The following OSBPL1A variants were observed in gnomAD, a reference collection of about 807,000 sequenced individuals.
The protein encoded by OSBPL1A is oxysterol binding protein like 1A.
Under a neutral mutation model 137.1 loss-of-function variants are expected in OSBPL1A, and 80 were observed. The observed-to-expected ratio is 0.58, with a 90% CI of 0.49 to 0.70. The LOEUF is 0.70. OSBPL1A is among the 30% of genes least tolerant of loss of function. The pLI, the probability that OSBPL1A is intolerant of heterozygous loss-of-function variation, is 0.00. For missense variants in OSBPL1A, 970 were observed against 1,129.4 expected (o/e 0.86, Z 2.02); for synonymous variants, 365 against 389.7 (o/e 0.94, Z 0.75).
intron 26 of OSBPL1A, 57 bp from the exon 27 acceptor site, chr18:24,165,212 C>G: frequency 6.9e-7 from 1 of 1,444,014 alleles, no homozygotes; most frequent in Non-Finnish European, 9.7e-7. Flanking sequence ...ATGCCAGGCA[C>G]AGTATTAAGC....
In OSBPL1A at chr18:24,162,410, T is replaced by G. The variant is rs578181736; in HGVS notation, c.*769A>C. The G allele has an allele frequency of 6.6e-6, 1 of 152,374 alleles. No individual in the cohort carries two copies. Among genetic ancestry groups the G allele is most frequent in the African/African-American group, 2.4e-5 (1 of 41,590 alleles). The allele number at this position is 152,374 out of a possible 1,614,324, so 9.4% of individuals were successfully genotyped here. A position where few individuals can be genotyped will look rare whatever the true frequency, so the allele number is the denominator to read the frequency against. ...GCATTTAACAAGGTTTGTCATTATG[T>G]AATGGTGATTAAAATCTATATTTCT... On this transcript the variant is annotated 3_prime_UTR_variant, in exon 28 of 28. Coordinates refer to ENST00000319481, the MANE Select transcript of OSBPL1A (RefSeq NM_080597.4).
chr18:24,307,941 C>G (rs2090537114), intron 13 of OSBPL1A, among the ~76,000 whole-genome samples: 1 of 145,298 alleles, frequency 6.9e-6, no homozygotes, highest in Non-Finnish European at 1.5e-5. Flanking sequence ...AGACGTGCAC[C>G]ACCATGCCTT....
intron 18 of OSBPL1A, among the ~76,000 whole-genome samples, chr18:24,189,524 A>T (rs1021606090): frequency 6.6e-6 from 1 of 152,088 alleles, no homozygotes. Context: ...CAAGATGAAG[A>T]TGGCACTGGA....
chr18:24,374,400 A>C (rs1009928113), intron 2 of OSBPL1A, among the ~76,000 whole-genome samples: 10 of 152,164 alleles, frequency 6.6e-5, no homozygotes, highest in Non-Finnish European at 1.5e-4. Context: ...TGGAAGAAAA[A>C]AAGACAAAAG....
chr18:24,179,705 C>T (rs377023153), intron 20 of OSBPL1A, 33 bp downstream of exon 20: 70 of 1,542,134 alleles, frequency 4.5e-5, no homozygotes, highest in East Asian at 6.7e-5. Flanking sequence ...TCATCTGCAA[C>T]GCTGTATAAA....
chr18:24,362,676 C>T (rs1422036020), intron 4 of OSBPL1A, among the ~76,000 whole-genome samples: 1 of 152,148 alleles, frequency 6.6e-6, no homozygotes, highest in Non-Finnish European at 1.5e-5. Context: ...ACAAGAAATA[C>T]ACTCTATGTC....
intron 1 of OSBPL1A, among the ~76,000 whole-genome samples, chr18:24,392,205 T>C (rs915251948): frequency 6.6e-6 from 1 of 151,444 alleles, no homozygotes; most frequent in Non-Finnish European, 1.5e-5. Context: ...TTGTTTCCCA[T>C]GCTGGAGTGC....
At chr18:24,320,263 G>A (rs2090823055) in intron 7 of OSBPL1A, among the ~76,000 whole-genome samples, 1 of 152,100 alleles carries the variant, frequency 6.6e-6, no homozygotes, top group Non-Finnish European at 1.5e-5. Flanking sequence ...AAAAATACTG[G>A]GGGGATGGGA....
chr18:24,193,975 T>C (rs945256925), intron 18 of OSBPL1A, among the ~76,000 whole-genome samples: 1 of 152,212 alleles, frequency 6.6e-6, no homozygotes, highest in African/African-American at 2.4e-5. Context: ...CAATCCAACA[T>C]AACATCATCT....
At chr18:24,167,153 A>G (rs532455884) in intron 25 of OSBPL1A, among the ~76,000 whole-genome samples, 176 bp downstream of exon 25, 1 of 152,194 alleles carries the variant, frequency 6.6e-6, no homozygotes, top group African/African-American at 2.4e-5. Context: ...GGACAGCATG[A>G]TGCACTTACG....
chr18:24,347,855 A>AAAAAAAAC (rs2091372345), intron 4 of OSBPL1A: 1 of 151,726 alleles, frequency 6.6e-6, no homozygotes, highest in Non-Finnish European at 1.5e-5. Context: ...AAAAAAAAAA[A>AAAAAAAAC]AAAAAAAAGA....
intron 14 of OSBPL1A, among the ~76,000 whole-genome samples, chr18:24,292,793 G>A (rs1401189749): frequency 3.9e-5 from 6 of 152,092 alleles, no homozygotes; most frequent in Admixed American, 3.9e-4. Context: ...GTCTCAGCAG[G>A]GAAGAGCTGG....
intron 13 of OSBPL1A, among the ~76,000 whole-genome samples, chr18:24,304,695 A>G (rs930876121): frequency 6.6e-6 from 1 of 152,144 alleles, no homozygotes; most frequent in African/African-American, 2.4e-5. Flanking sequence ...CAAACTTACT[A>G]TAGATCAGTA....
chr18:24,307,099 AAAAAAAC>A (rs2090518772), intron 13 of OSBPL1A, among the ~76,000 whole-genome samples: 1 of 150,902 alleles, frequency 6.6e-6, no homozygotes, highest in Non-Finnish European at 1.5e-5. Flanking sequence ...CTACAAAAAA[AAAAAAAC>A]AAAAACAAAA....
At chr18:24,392,280 C>T (rs1907411678) in intron 1 of OSBPL1A, among the ~76,000 whole-genome samples, 2 of 152,188 alleles carry the variant, frequency 1.3e-5, no homozygotes, top group Non-Finnish European at 2.9e-5. Flanking sequence ...CCTGCCTCAG[C>T]CTCCCGAGTA....
intron 16 of OSBPL1A, among the ~76,000 whole-genome samples, chr18:24,229,379 T>C (rs2088195737): frequency 6.6e-6 from 1 of 152,182 alleles, no homozygotes; most frequent in Admixed American, 6.5e-5. Context: ...GCCTGTGAAA[T>C]AAAAACTAGT....
rs956273582 is a variant in OSBPL1A at position 24,181,074 on chromosome 18, G to A, written c.1812+71C>T. ...TGAATTTAACACTAATTGTGTGAAC[G>A]TGTGTGTGTTCGGGGCTGGGTTGGT... On this transcript the variant is annotated intron_variant, in intron 19 of 27. Coordinates refer to ENST00000319481, the MANE Select transcript of OSBPL1A (RefSeq NM_080597.4). The A allele has an allele frequency of 6.0e-6, 9 of 1,506,838 alleles. No homozygotes were observed. The East Asian group carries it at 7.0e-5, about 12-fold the overall frequency. 93.3% of individuals were successfully genotyped at this position (1,506,838 alleles called of 1,614,324 possible).
intron 20 of OSBPL1A, 42 bp from the exon 21 acceptor site, chr18:24,178,237 A>T (rs369758523): frequency 1.4e-6 from 2 of 1,447,372 alleles, no homozygotes; most frequent in Non-Finnish European, 1.9e-6. Context: ...AAAAAGCAAC[A>T]TTATAATTAA....
chr18:24,320,896 G>A (rs1251805798), intron 7 of OSBPL1A, among the ~76,000 whole-genome samples: 1 of 151,850 alleles, frequency 6.6e-6, no homozygotes, highest in Non-Finnish European at 1.5e-5. Context: ...GGGTGTGGTG[G>A]CAGGCACCTG....
Sources: allele counts gnomAD v4.1 joint callset (sites outside exome capture counted in the v4.1 genomes callset), GRCh38; gene constraint gnomAD v4.1.1; transcripts MANE v1.5; gene names NCBI Gene and HGNC (gene_info 2026-07-23, HGNC 2026-07-21).